Variants in ATP9B observed in about 807,000 individuals in gnomAD.
ATP9B encodes the protein probable phospholipid-transporting ATPase IIB.
In ATP9B, 110 loss-of-function variants were observed where a neutral mutation model predicts 146.1. That is an observed-to-expected ratio of 0.75 (90% CI 0.65 to 0.88). ATP9B has a LOEUF of 0.88. ATP9B is among the 40% of genes least tolerant of loss of function. The probability of loss-of-function intolerance (pLI) is 0.00; values close to 1 mark genes in which losing one functional copy is unlikely to be tolerated. For missense variants in ATP9B, 1,499 were observed against 1,496.4 expected, an observed-to-expected ratio of 1.00 and a Z score of -0.03; for synonymous variants, 604 against 569.7, an observed-to-expected ratio of 1.06 and a Z score of -0.86.
intron 12 of ATP9B, among the ~76,000 whole-genome samples, chr18:79,263,267 T>C (rs1038573979): frequency 2.0e-5 from 3 of 152,206 alleles, no homozygotes; most frequent in African/African-American, 7.2e-5. Flanking sequence ...GCACCCTCCA[T>C]GGATACCAGA....
chr18:79,274,176 G>GT (rs1449619700), intron 12 of ATP9B, among the ~76,000 whole-genome samples: 3 of 151,800 alleles, frequency 2.0e-5, no homozygotes, highest in Non-Finnish European at 4.4e-5. Context: ...TTGAGGGGGG[G>GT]TGACATATTA....
At chr18:79,073,571 T>G (rs1432225006) in intron 1 of ATP9B, among the ~76,000 whole-genome samples, 1 of 152,024 alleles carries the variant, frequency 6.6e-6, no homozygotes, top group Non-Finnish European at 1.5e-5. Context: ...GAGCCAAGAT[T>G]GCGGCAGTAC....
chr18:79,123,367 A>G (rs1245141806), intron 4 of ATP9B, among the ~76,000 whole-genome samples: 1 of 152,204 alleles, frequency 6.6e-6, no homozygotes, highest in Admixed American at 6.5e-5. Context: ...AAATTACATA[A>G]TGAAAGCTAT....
Position 79,113,250 on chromosome 18 carries a change from G to T in ATP9B, c.454G>T (p.Glu152Ter). 1 of 1,569,650 alleles carries T rather than the reference G, an allele frequency of 6.4e-7. No individual in the cohort carries two copies. The highest frequency in any genetic ancestry group is 8.7e-7 in the Non-Finnish European group (1 of 1,149,740). ...CTCTTTTCCTTTTTAGGTTTTGTAT[G>T]AACAATTCAAGTTTTTCTTGAATCT... ...VFTFIPGVLY[E>*]QFKFFLNLYF... The change falls in exon 4 of 30, where the codon GAA becomes TAA. Residue 152 changes from glutamate (E) to a stop codon, truncating the protein, a stop_gained. Coordinates refer to ENST00000426216, the MANE Select transcript of ATP9B (RefSeq NM_198531.5). LOFTEE classifies it high-confidence loss of function.
intron 10 of ATP9B, among the ~76,000 whole-genome samples, chr18:79,209,225 G>A (rs2095561802): frequency 6.6e-6 from 1 of 152,212 alleles, no homozygotes; most frequent in African/African-American, 2.4e-5. Flanking sequence ...TTACACGAAA[G>A]CATTTATGAT....
chr18:79,327,659 T>TTTAGCGTGCTCGCCGTGG (rs2096761285), intron 15 of ATP9B, among the ~76,000 whole-genome samples: 1 of 105,956 alleles, frequency 9.4e-6, no homozygotes, highest in African/African-American at 3.8e-5. Flanking sequence ...GCTCTCCGTG[T>TTTAGCGTGCTCGCCGTGG]TTAGCGTGCT....
intron 11 of ATP9B, among the ~76,000 whole-genome samples, chr18:79,219,429 A>T (rs750198532): frequency 1.3e-5 from 2 of 152,144 alleles, no homozygotes; most frequent in Non-Finnish European, 2.9e-5. Flanking sequence ...CCATATCACA[A>T]ACCTATTAAT....
At chr18:79,166,120 T>C (rs780745579) in intron 7 of ATP9B, among the ~76,000 whole-genome samples, 2 of 152,184 alleles carry the variant, frequency 1.3e-5, no homozygotes, top group Non-Finnish European at 2.9e-5. Context: ...AGTGCTGAGA[T>C]GTCTGCAGCC....
At chr18:79,097,157 CAA>C (rs373009400) in intron 2 of ATP9B, among the ~76,000 whole-genome samples, 34 of 80,002 alleles carry the variant, frequency 4.2e-4, no homozygotes, top group East Asian at 3.7e-4. Context: ...GACTCTGTCT[CAA>C]AAAAAAAAAA....
At chr18:79,209,209 C>A (rs1321425560) in intron 10 of ATP9B, among the ~76,000 whole-genome samples, 2 of 152,190 alleles carry the variant, frequency 1.3e-5, no homozygotes, top group Non-Finnish European at 2.9e-5. Flanking sequence ...GCTCGGCCTT[C>A]AGTAGTTACA....
chr18:79,264,446 A>C (rs1006926698), intron 12 of ATP9B, among the ~76,000 whole-genome samples: 3 of 152,120 alleles, frequency 2.0e-5, no homozygotes, highest in Non-Finnish European at 4.4e-5. Flanking sequence ...TGTTTTGCTG[A>C]TATCTTTCTC....
At chr18:79,204,941 C>A (rs997230130) in intron 9 of ATP9B, among the ~76,000 whole-genome samples, 1 of 152,082 alleles carries the variant, frequency 6.6e-6, no homozygotes, top group African/African-American at 2.4e-5. Flanking sequence ...AACAGCACTC[C>A]AGCTGTGTTG....
At chr18:79,102,461 G>C (rs1003798242) in intron 2 of ATP9B, among the ~76,000 whole-genome samples, 1 of 152,162 alleles carries the variant, frequency 6.6e-6, no homozygotes, top group Non-Finnish European at 1.5e-5. Context: ...GAGCGGAGCT[G>C]TCTGTGGCCT....
rs529534002 is a variant in ATP9B at position 79,291,169 on chromosome 18, C to CT, written c.1412-12424dup. 7.0e-3 allele frequency among the ~76,000 whole-genome samples: 1,029 copies of CT among 146,320 alleles called. 7 individuals carry two copies. Among genetic ancestry groups the CT allele is most frequent in the African/African-American group, 0.023 (941 of 40,152 alleles). ...ACTCTTTTTCATTAAAGAGCTGCAG[C>CT]TTTTTTTTTTTAAGAAATCAGAAAC... On this transcript the variant is annotated intron_variant, in intron 13 of 29. Transcript: ENST00000426216.
At chr18:79,126,517 C>T in intron 5 of ATP9B, 142 bp downstream of exon 5, 1 of 603,650 alleles carries the variant, frequency 1.7e-6, no homozygotes. Flanking sequence ...TAATTAATTT[C>T]CTTATAATGT....
intron 15 of ATP9B, among the ~76,000 whole-genome samples, chr18:79,314,206 T>G (rs2096667574): frequency 6.6e-6 from 1 of 152,228 alleles, no homozygotes; most frequent in Non-Finnish European, 1.5e-5. Context: ...ACTTAACTAG[T>G]TTCATCCACT....
chr18:79,352,394 CAG>C (rs1243638359), intron 25 of ATP9B: 1 of 152,232 alleles, frequency 6.6e-6, no homozygotes, highest in African/African-American at 2.4e-5. Context: ...GTGGGTTTAT[CAG>C]AGAGGGTCTT....
rs2095607817 is a variant in ATP9B at position 79,214,204 on chromosome 18, A to T, written c.1107+166A>T. Among the ~76,000 whole-genome samples the T allele has an allele frequency of 2.6e-5, 4 of 152,336 alleles. No individual in the cohort carries two copies. The South Asian group carries it at 8.3e-4, about 32-fold the overall frequency. On this transcript the variant is annotated intron_variant, in intron 11 of 29. Transcript: ENST00000426216. ...TATGAATTCTCCGTATTTATATAAC[A>T]ACATTCTCATACTGGCGAATTTCCA... is the stretch of plus-strand genomic sequence containing the variant.
intron 11 of ATP9B, among the ~76,000 whole-genome samples, chr18:79,241,105 T>C (rs1328414789): frequency 1.3e-5 from 2 of 152,244 alleles, no homozygotes; most frequent in Non-Finnish European, 2.9e-5. Context: ...TTATAATTTG[T>C]TAATAAATTT....
Sources: allele counts gnomAD v4.1 joint callset (sites outside exome capture counted in the v4.1 genomes callset), GRCh38; gene constraint gnomAD v4.1.1; transcripts MANE v1.5; gene names NCBI Gene and HGNC (gene_info 2026-07-23, HGNC 2026-07-21).